The following ALK variants were observed in gnomAD, a reference collection of about 807,000 sequenced individuals.
The protein encoded by ALK is ALK tyrosine kinase receptor.
A neutral mutation model predicts 163.1 loss-of-function variants in ALK; 74 were observed. That is an observed-to-expected ratio of 0.45 (90% CI 0.38 to 0.55). The LOEUF (loss-of-function observed/expected upper bound fraction) is 0.55. Ranked by LOEUF, ALK falls within the 20% of genes least tolerant of loss-of-function variation. The pLI is 0.00. For synonymous variants in ALK, 960 were observed against 843.2 expected (o/e 1.14, Z -2.40); for missense variants, 2,063 against 2,105.3 (o/e 0.98, Z 0.39).
At chr2:29,376,471 C>T (rs1175303394) in intron 5 of ALK, among the ~76,000 whole-genome samples, 1 of 152,198 alleles carries the variant, frequency 6.6e-6, no homozygotes, top group African/African-American at 2.4e-5. Flanking sequence ...AGGAACCACA[C>T]CAAAATTCAG....
At chr2:29,824,394 C>T (rs929595029) in intron 1 of ALK, among the ~76,000 whole-genome samples, 9 of 152,304 alleles carry the variant, frequency 5.9e-5, no homozygotes, top group African/African-American at 1.4e-4. Flanking sequence ...CTCCAGGCCC[C>T]AGAATGGTAA....
intron 5 of ALK, among the ~76,000 whole-genome samples, chr2:29,363,386 G>A (rs1668427185): frequency 6.6e-6 from 1 of 152,204 alleles, no homozygotes; most frequent in Non-Finnish European, 1.5e-5. Flanking sequence ...TCCATGGAGT[G>A]GCGCCTTTCT....
At chr2:29,624,717 G>T (rs972749681) in intron 3 of ALK, among the ~76,000 whole-genome samples, 1 of 152,206 alleles carries the variant, frequency 6.6e-6, no homozygotes, top group Non-Finnish European at 1.5e-5. Flanking sequence ...TAATAAACCT[G>T]CACGTACTGC....
intron 3 of ALK, among the ~76,000 whole-genome samples, chr2:29,562,897 T>C (rs904873674): frequency 3.9e-5 from 6 of 152,234 alleles, no homozygotes; most frequent in Middle Eastern, 3.2e-3. Context: ...CTATCTTAAG[T>C]AGGGTACCTT....
At chr2:29,762,514 A>G (rs1028189162) in intron 1 of ALK, among the ~76,000 whole-genome samples, 1 of 152,188 alleles carries the variant, frequency 6.6e-6, no homozygotes, top group Non-Finnish European at 1.5e-5. Context: ...GGTCCATCTG[A>G]CAAGAGGAAA....
At chr2:29,221,938 G>C (rs1669816001) in intron 22 of ALK, among the ~76,000 whole-genome samples, 1 of 152,212 alleles carries the variant, frequency 6.6e-6, no homozygotes, top group Admixed American at 6.5e-5. Flanking sequence ...CTGCTGATGG[G>C]AGCCTAGGAT....
At chr2:29,454,939 G>A (rs1007748074) in intron 4 of ALK, among the ~76,000 whole-genome samples, 1 of 152,144 alleles carries the variant, frequency 6.6e-6, no homozygotes, top group Admixed American at 6.5e-5. Context: ...TCATGTACCT[G>A]CTTCACAGAT....
Position 29,624,089 on chromosome 2 carries a change from T to C in ALK, c.952+70761A>G, listed in dbSNP as rs180806080. Among the ~76,000 whole-genome samples the C allele has an allele frequency of 1.8e-4, 28 of 152,408 alleles. No individual in the cohort carries two copies. In the East Asian group the frequency reaches 3.5e-3, roughly 19 times the overall value. ...CCTAGCAAGACTCTTCGTAGAAAGGTATCAATTCACTAGTTGAGGAAAAAA... is the reference window on the plus strand; with the variant it reads ...CCTAGCAAGACTCTTCGTAGAAAGGCATCAATTCACTAGTTGAGGAAAAAA... On this transcript the variant is annotated intron_variant, in intron 3 of 28. Coordinates refer to ENST00000389048, the MANE Select transcript of ALK (RefSeq NM_004304.5).
chr2:29,825,199 CTTT>C (rs748061921), intron 1 of ALK, among the ~76,000 whole-genome samples: 3 of 152,234 alleles, frequency 2.0e-5, no homozygotes, highest in Non-Finnish European at 4.4e-5. Context: ...CATTAAACTT[CTTT>C]GTTTTGTAAA....
intron 1 of ALK, among the ~76,000 whole-genome samples, chr2:29,728,755 T>C (rs1679647741): frequency 6.6e-6 from 1 of 152,130 alleles, no homozygotes; most frequent in Non-Finnish European, 1.5e-5. Flanking sequence ...CGCCAGCTCC[T>C]TATTTGCCAC....
At chr2:29,733,245 A>T (rs879309523) in intron 1 of ALK, among the ~76,000 whole-genome samples, 6 of 152,186 alleles carry the variant, frequency 3.9e-5, no homozygotes, top group Non-Finnish European at 8.8e-5. Flanking sequence ...TGCTGGTATC[A>T]CCCAGAAGAA....
intron 4 of ALK, among the ~76,000 whole-genome samples, chr2:29,440,580 G>A (rs1670516627): frequency 6.6e-6 from 1 of 152,140 alleles, no homozygotes; most frequent in Non-Finnish European, 1.5e-5. Context: ...GCCTCCCAAA[G>A]TGCTGGGATT....
chr2:29,470,643 A>G (rs972993887), intron 4 of ALK, among the ~76,000 whole-genome samples: 3 of 151,968 alleles, frequency 2.0e-5, no homozygotes, highest in Non-Finnish European at 4.4e-5. Flanking sequence ...AATATTCTTC[A>G]AAAATCAAAG....
At chr2:29,381,007 G>A (rs1408571000) in intron 5 of ALK, among the ~76,000 whole-genome samples, 4 of 152,226 alleles carry the variant, frequency 2.6e-5, no homozygotes, top group Non-Finnish European at 5.9e-5. Context: ...AACAGGAAGA[G>A]TCAAAGATGA....
chr2:29,484,891 T>G (rs1319162821), intron 4 of ALK, among the ~76,000 whole-genome samples: 1 of 152,204 alleles, frequency 6.6e-6, no homozygotes, highest in Non-Finnish European at 1.5e-5. Context: ...TTGTTGTTGC[T>G]AATGACAGGT....
rs78610262 is a variant in ALK at position 29,564,658 on chromosome 2, G to A, written c.953-32542C>T. On this transcript the variant is annotated intron_variant, in intron 3 of 28. Coordinates refer to ENST00000389048, the MANE Select transcript of ALK (RefSeq NM_004304.5). The stretch of plus-strand genomic sequence containing the variant: ...GATAAAAGGCACTCATATTTGCAGA[G>A]TCTTGGAATAGCATAACTCAGAGAA... Among the ~76,000 whole-genome samples the A allele has an allele frequency of 3.4e-3, 514 of 152,286 alleles. 3 individuals are homozygous for A. Among genetic ancestry groups the A allele is most frequent in the Middle Eastern group, 0.01 (3 of 294 alleles).
intron 4 of ALK, among the ~76,000 whole-genome samples, chr2:29,453,728 A>G (rs2148094951): frequency 1.3e-5 from 2 of 152,270 alleles, no homozygotes. Flanking sequence ...AAAGAGAAAG[A>G]AAAAGAGGAA....
intron 3 of ALK, among the ~76,000 whole-genome samples, chr2:29,690,816 T>G (rs972731272): frequency 6.6e-6 from 1 of 152,166 alleles, no homozygotes; most frequent in Non-Finnish European, 1.5e-5. Flanking sequence ...CTTCTATAAC[T>G]GACAAGAAAT....
chr2:29,446,364 C>T (rs190815700), intron 4 of ALK, among the ~76,000 whole-genome samples: 33 of 152,120 alleles, frequency 2.2e-4, no homozygotes, highest in Non-Finnish European at 4.4e-4. Context: ...TTGACCCCTC[C>T]GATCCCCTTG....
Sources: gnomAD v4.1 joint callset for allele counts (sites outside exome capture counted in the v4.1 genomes callset) on GRCh38, gnomAD v4.1.1 for gene constraint, MANE v1.5 for transcripts, NCBI Gene and HGNC (gene_info 2026-07-23, HGNC 2026-07-21) for gene names.